Variants in PLEKHA7 observed in about 807,000 individuals in gnomAD.
The protein encoded by PLEKHA7 is pleckstrin homology domain-containing family A member 7.
Under a neutral mutation model 170.0 loss-of-function variants are expected in PLEKHA7, and 104 were observed. The ratio of observed to expected loss-of-function variants is 0.61; its 90% CI spans 0.52 to 0.72. The LOEUF is 0.72. Ranked by LOEUF, PLEKHA7 falls within the 30% of genes least tolerant of loss-of-function variation. PLEKHA7 has a pLI of 0.00. For missense variants in PLEKHA7, 1,615 were observed against 1,671.7 expected (o/e 0.97, Z 0.59); for synonymous variants, 648 against 660.8 (o/e 0.98, Z 0.30).
intron 3 of PLEKHA7, among the ~76,000 whole-genome samples, chr11:16,901,949 T>G (rs1857366907): frequency 6.6e-6 from 1 of 152,130 alleles, no homozygotes; most frequent in Admixed American, 6.6e-5. Context: ...CAATCAAATT[T>G]AAAACATTTC....
At chr11:16,886,431 C>T (rs1197300022) in intron 3 of PLEKHA7, among the ~76,000 whole-genome samples, 1 of 152,194 alleles carries the variant, frequency 6.6e-6, no homozygotes, top group Non-Finnish European at 1.5e-5. Flanking sequence ...CACACAATTG[C>T]TGGGCGCAGT....
intron 10 of PLEKHA7, among the ~76,000 whole-genome samples, chr11:16,825,324 C>T (rs1002692180): frequency 6.6e-6 from 1 of 152,232 alleles, no homozygotes; most frequent in Non-Finnish European, 1.5e-5. Context: ...AGGCCTGTGG[C>T]AGACTTGGTC....
At chr11:16,808,404 G>A (rs1849136101) in intron 13 of PLEKHA7, among the ~76,000 whole-genome samples, 5 of 152,124 alleles carry the variant, frequency 3.3e-5, no homozygotes, top group Admixed American at 3.3e-4. Context: ...CAGAATTCTG[G>A]GCAGCAGAGT....
chr11:16,893,100 T>C (rs1292897572), intron 3 of PLEKHA7, among the ~76,000 whole-genome samples: 1 of 152,236 alleles, frequency 6.6e-6, no homozygotes, highest in Non-Finnish European at 1.5e-5. Flanking sequence ...TGTGAGTAAC[T>C]GCTTGTAATA....
chr11:16,855,860 G>T lies in PLEKHA7; in HGVS notation c.360C>A (p.Val120=). Reference sequence around the variant, plus strand: ...CGGTCCCAGCCGTGGATGTTTCACTGACCATGCTGGACGGTCTTTGGTTTC... The same window carrying T: ...CGGTCCCAGCCGTGGATGTTTCACTTACCATGCTGGACGGTCTTTGGTTTC... ...QDRNQRPSSM[V]SETSTAGTAS... Residue 120 remains valine (V), a synonymous_variant, in exon 5 of 27, where the codon GTC becomes GTA. Transcript: ENST00000531066. 1 of 1,614,202 alleles carries T rather than the reference G, an allele frequency of 6.2e-7. No individual in the cohort carries two copies. The highest frequency in any genetic ancestry group is 1.1e-5 in the South Asian group (1 of 91,072).
chr11:16,931,239 A>G (rs1470503371), intron 3 of PLEKHA7, among the ~76,000 whole-genome samples: 1 of 152,152 alleles, frequency 6.6e-6, no homozygotes, highest in Non-Finnish European at 1.5e-5. Flanking sequence ...GCGCACCACC[A>G]GAGAATTGAA....
At chr11:17,012,859 C>G (rs1865397907) in intron 3 of PLEKHA7, among the ~76,000 whole-genome samples, 1 of 152,212 alleles carries the variant, frequency 6.6e-6, no homozygotes, top group Admixed American at 6.5e-5. Flanking sequence ...CAGCAAGGCC[C>G]TAGTCCTTAG....
chr11:16,959,083 TTGTTTTA>T (rs2136586551), intron 3 of PLEKHA7, among the ~76,000 whole-genome samples: 1 of 152,350 alleles, frequency 6.6e-6, no homozygotes, highest in South Asian at 2.1e-4. Flanking sequence ...TTTTTGTTTT[TTGTTTTA>T]ACTTTTATTT....
chr11:16,907,561 CG>C (rs1481614636), intron 3 of PLEKHA7, among the ~76,000 whole-genome samples: 2 of 75,222 alleles, frequency 2.7e-5, no homozygotes, highest in Non-Finnish European at 6.0e-5. Context: ...GGGAGGGAGG[CG>C]GGGGGGTCAG....
intron 3 of PLEKHA7, among the ~76,000 whole-genome samples, chr11:16,899,286 C>T (rs1857180978): frequency 6.6e-6 from 1 of 152,092 alleles, no homozygotes; most frequent in East Asian, 1.9e-4. Flanking sequence ...CACCTGAGGT[C>T]GGGAGTTTGA....
At chr11:17,008,376 A>G (rs770533472) in intron 3 of PLEKHA7, among the ~76,000 whole-genome samples, 13 of 152,182 alleles carry the variant, frequency 8.5e-5, no homozygotes, top group Admixed American at 5.2e-4. Flanking sequence ...ATATGAAATG[A>G]AGACGCAGAG....
Position 16,851,232 on chromosome 11 carries a change from C to A in PLEKHA7, c.655G>T (p.Val219Leu), listed in dbSNP as rs1401120357. ...CGGCTTATGCGATCCTCAGGGGCCA[C>A]AGGAGAGATCACGTAGCTGGGCAAG... ...IPLPSYVISPVAPEDRISRKY... is the reference protein window; with the variant it reads ...IPLPSYVISPLAPEDRISRKY... The change falls in exon 8 of 27, where the codon GTG becomes TTG. Residue 219 changes from valine (V) to leucine (L), a missense_variant. Coordinates refer to ENST00000531066, the MANE Select transcript of PLEKHA7 (RefSeq NM_001329630.2). The A allele has an allele frequency of 6.2e-7, 1 of 1,611,796 alleles. No individual in the cohort carries two copies. Among genetic ancestry groups the A allele is most frequent in the African/African-American group, 1.3e-5 (1 of 74,894 alleles).
chr11:16,922,581 T>C (rs991530765), intron 3 of PLEKHA7, among the ~76,000 whole-genome samples: 2 of 152,106 alleles, frequency 1.3e-5, no homozygotes, highest in African/African-American at 4.8e-5. Context: ...AAACCCTAGG[T>C]TGGAACTTTG....
Position 16,791,056 on chromosome 11 carries a change from C to A in PLEKHA7, c.2889G>T (p.Arg963Ser). Residue 963 changes from arginine to serine, a missense_variant, in exon 20 of 27, where the codon AGG becomes AGT. By Grantham distance (110) the Arg-to-Ser change is moderately radical. Coordinates refer to ENST00000531066, the MANE Select transcript of PLEKHA7 (RefSeq NM_001329630.2). This position sits in a 1 kb window ranked among gnomAD's most constrained non-coding sequence, Gnocchi z 4.5. ...ACTGCCCCAGCTCCCGGTCTCGCTT[C>A]CTCTCGTCTGACTGCCGCTTGAGGC... ...VRGLKRQSDE[R>S]KRDRELGQCV... The A allele has an allele frequency of 6.2e-7, 1 of 1,614,180 alleles. No homozygotes were observed. The highest frequency in any genetic ancestry group is 8.5e-7 in the Non-Finnish European group (1 of 1,180,040).
At chr11:17,012,512 T>A (rs369631609) in intron 3 of PLEKHA7, among the ~76,000 whole-genome samples, 1 of 152,220 alleles carries the variant, frequency 6.6e-6, no homozygotes, top group African/African-American at 2.4e-5. Context: ...GATCTCCCAG[T>A]ACAACCAAGC....
chr11:16,800,920 A>G (rs1848551221), intron 17 of PLEKHA7, 54 bp downstream of exon 17: 1 of 1,515,368 alleles, frequency 6.6e-7, no homozygotes, highest in African/African-American at 1.4e-5. Context: ...GGAAAAACAA[A>G]AAACAAAAAA....
At chr11:16,800,103 A>T (rs216487) in intron 17 of PLEKHA7, among the ~76,000 whole-genome samples, 108,963 of 152,156 alleles carry the variant, frequency 0.72, 39,295 homozygotes, top group Non-Finnish European at 0.74. Flanking sequence ...TGGCCCAGCA[A>T]GGTGCCTCAT....
At chr11:16,786,130 T>C (rs1849375953) in intron 24 of PLEKHA7, 99 bp downstream of exon 24, 1 of 1,386,920 alleles carries the variant, frequency 7.2e-7, no homozygotes, top group Non-Finnish European at 9.7e-7. Flanking sequence ...CTGAGCCATG[T>C]CCCTGTTCAG....
chr11:16,803,564 C>T, intron 13 of PLEKHA7: 1 of 442,030 alleles, frequency 2.3e-6, no homozygotes, highest in South Asian at 2.8e-5. Context: ...AAAGGATCAT[C>T]AATTTTAAAA....
Sources: gnomAD v4.1 joint callset for allele counts (sites outside exome capture counted in the v4.1 genomes callset) on GRCh38, gnomAD v4.1.1 for gene constraint, Gnocchi (gnomAD v3.1) non-coding constraint, MANE v1.5 for transcripts, NCBI Gene and HGNC (gene_info 2026-07-23, HGNC 2026-07-21) for gene names.